The following TAPT1 variants were observed in gnomAD, a reference collection of about 807,000 sequenced individuals.
TAPT1 encodes transmembrane anterior posterior transformation 1.
Under a neutral mutation model 65.6 loss-of-function variants are expected in TAPT1, and 28 were observed. The observed-to-expected ratio is 0.43, with a 90% confidence interval of 0.32 to 0.59. TAPT1 has a LOEUF of 0.59. Among genes scored for constraint, TAPT1 ranks in the 20% least tolerant of loss-of-function variants. The pLI is 0.09. For synonymous variants in TAPT1, 278 were observed against 245.2 expected (o/e 1.13, Z -1.25); for missense variants, 563 against 679.9 (o/e 0.83, Z 1.91).
At chr4:16,217,717 AAAG>A in intron 1 of TAPT1, among the ~76,000 whole-genome samples, 1 of 152,392 alleles carries the variant, frequency 6.6e-6, no homozygotes, top group Admixed American at 6.5e-5. Context: ...AGACATGACA[AAAG>A]AAGAGCATTC....
At chr4:16,208,900 G>A (rs1448968995) in intron 2 of TAPT1, among the ~76,000 whole-genome samples, 9 of 152,084 alleles carry the variant, frequency 5.9e-5, no homozygotes, top group African/African-American at 2.2e-4. Flanking sequence ...GTCTCACTCT[G>A]TTGCCCAGGC....
intron 1 of TAPT1, among the ~76,000 whole-genome samples, chr4:16,218,972 T>C (rs1473800885): frequency 1.3e-5 from 2 of 152,236 alleles, no homozygotes; most frequent in Non-Finnish European, 2.9e-5. Context: ...GTCTGGATTC[T>C]ACCTCTAGAT....
chr4:16,202,603 G>GAAA, intron 2 of TAPT1, 23 bp from the exon 3 acceptor site: 3 of 665,344 alleles, frequency 4.5e-6, no homozygotes, highest in Non-Finnish European at 4.3e-6. Flanking sequence ...AAGGAGAGAA[G>GAAA]AAAAAAAAAA....
In TAPT1 at chr4:16,186,270, C is replaced by T. The variant is rs16893164; in HGVS notation, c.916+265G>A. Among the ~76,000 whole-genome samples, 14,175 of 151,884 alleles carry T rather than the reference C, an allele frequency of 0.093. 2,065 individuals are homozygous for T. Among genetic ancestry groups the T allele is most frequent in the African/African-American group, 0.31 (12,981 of 41,236 alleles). On this transcript the variant is annotated intron_variant, in intron 7 of 13. Coordinates refer to ENST00000405303, the MANE Select transcript of TAPT1 (RefSeq NM_153365.3). The stretch of plus-strand genomic sequence containing the variant: ...TCACATCTATAAAATGGAAAAATAC[C>T]ACCCACTTCAGAGAAATTTCTAGAC...
At chr4:16,209,401 G>A (rs1750531007) in intron 2 of TAPT1, among the ~76,000 whole-genome samples, 1 of 151,956 alleles carries the variant, frequency 6.6e-6, no homozygotes, top group African/African-American at 2.4e-5. Flanking sequence ...GTGCCTTCTT[G>A]GAACATAGAA....
chr4:16,209,160 A>G (rs1388567540), intron 2 of TAPT1, among the ~76,000 whole-genome samples: 9 of 152,132 alleles, frequency 5.9e-5, no homozygotes, highest in Non-Finnish European at 1.0e-4. Flanking sequence ...TCTTCCTAGC[A>G]TAGCCACCCC....
chr4:16,166,503 A>C lies in TAPT1; in HGVS notation c.1474+130T>G, dbSNP rs1747629761. ...GTATATATGGGATGAAATCTAAAACACAACCATTAAAAGACCCAAAAATCT... is the reference window on the plus strand; with the variant it reads ...GTATATATGGGATGAAATCTAAAACCCAACCATTAAAAGACCCAAAAATCT... On this transcript the variant is annotated intron_variant, in intron 13 of 13. Transcript: ENST00000405303. 3 of 1,104,936 alleles carry C rather than the reference A, an allele frequency of 2.7e-6. No homozygotes were observed. In the Admixed American group the frequency reaches 7.3e-5, roughly 27 times the overall value. The allele number at this position is 1,104,936 out of a possible 1,614,324, so 68.4% of individuals were successfully genotyped here.
intron 3 of TAPT1, among the ~76,000 whole-genome samples, chr4:16,192,534 A>G (rs1352823244): frequency 2.6e-5 from 4 of 152,208 alleles, no homozygotes; most frequent in African/African-American, 9.7e-5. Flanking sequence ...TTCTGAGGTT[A>G]GAGTAAAAGG....
chr4:16,186,664 C>T (rs949817801), intron 6 of TAPT1, 60 bp from the exon 7 acceptor site: 11 of 1,400,042 alleles, frequency 7.9e-6, no homozygotes, highest in Middle Eastern at 1.9e-4. Flanking sequence ...ACTGGACTTG[C>T]TACTTATAAA....
chr4:16,200,721 G>C (rs2149701951), intron 3 of TAPT1, among the ~76,000 whole-genome samples: 1 of 152,182 alleles, frequency 6.6e-6, no homozygotes, highest in Non-Finnish European at 1.5e-5. Flanking sequence ...ATGTATATTT[G>C]GTAATGTTCT....
chr4:16,176,172 C>A lies in TAPT1; in HGVS notation c.1054G>T (p.Val352Leu), dbSNP rs1455132724. 1 of 1,578,206 alleles carries A rather than the reference C, an allele frequency of 6.3e-7. No homozygotes were observed. Among genetic ancestry groups the A allele is most frequent in the Non-Finnish European group, 8.6e-7 (1 of 1,160,632 alleles). Reference sequence around the variant, plus strand: ...ATAAAGGCATGTTTTACAATATCCACGGCAATTTCTGATGCAATTACCATA... The same window carrying A: ...ATAAAGGCATGTTTTACAATATCCAAGGCAATTTCTGATGCAATTACCATA... ...VCMVIASEIAVDIVKHAFITK... is the reference protein window; with the variant it reads ...VCMVIASEIALDIVKHAFITK... The change falls in exon 9 of 14, where the codon GTG (valine) becomes TTG (leucine). Residue 352 changes from valine to leucine, a missense_variant. Physicochemically the swap from Val to Leu is conservative, Grantham distance 32. Around this residue, in one of 5 missense-constraint regions of TAPT1, gnomAD observed 104 missense variants for 102.5 expected, o/e 1.01. Transcript: ENST00000405303.
intron 1 of TAPT1, chr4:16,225,813 G>C: frequency 1.1e-6 from 1 of 888,030 alleles, no homozygotes; most frequent in Non-Finnish European, 1.3e-6. Context: ...TCTACTTGCA[G>C]GGCAAGTTAA....
chr4:16,177,104 T>A (rs530327431), intron 8 of TAPT1, among the ~76,000 whole-genome samples: 1 of 152,344 alleles, frequency 6.6e-6, no homozygotes, highest in African/African-American at 2.4e-5. Context: ...TTTACAATAA[T>A]CTACTGTGTA....
intron 2 of TAPT1, 46 bp downstream of exon 2, chr4:16,213,722 G>C: frequency 6.8e-7 from 1 of 1,479,808 alleles, no homozygotes; most frequent in Non-Finnish European, 8.9e-7. Flanking sequence ...TTAATACTTT[G>C]ACATAACTTT....
intron 2 of TAPT1, among the ~76,000 whole-genome samples, chr4:16,209,618 G>C (rs945467612): frequency 7.2e-5 from 11 of 152,174 alleles, no homozygotes; most frequent in African/African-American, 2.4e-4. Flanking sequence ...ATGGTAAACT[G>C]TTCCTAGGGG....
At position 16,163,223 on chromosome 4, in the gene TAPT1, G is replaced by C. The variant is rs926479753; in HGVS notation, c.*85C>G. ...TTTAAGTTTTTAAATAAATATTTAA[G>C]TGCCATGTTTAGCATCTATTTGTCC... On this transcript the variant is annotated 3_prime_UTR_variant, in exon 14 of 14. Coordinates refer to ENST00000405303, the MANE Select transcript of TAPT1 (RefSeq NM_153365.3). The C allele has an allele frequency of 1.3e-5, 12 of 926,340 alleles. No individual in the cohort carries two copies. Among genetic ancestry groups the C allele is most frequent in the Admixed American group, 2.0e-5 (1 of 48,946 alleles). 57.4% of individuals were successfully genotyped at this position (926,340 alleles called of 1,614,324 possible).
At chr4:16,206,297 C>A (rs1252265840) in intron 2 of TAPT1, among the ~76,000 whole-genome samples, 1 of 152,182 alleles carries the variant, frequency 6.6e-6, no homozygotes, top group Non-Finnish European at 1.5e-5. Context: ...ATAGAATGAT[C>A]CTGAGACTTT....
chr4:16,176,126 G>A lies in TAPT1; in HGVS notation c.1100C>T (p.Thr367Ile). The A allele has an allele frequency of 6.7e-7, 1 of 1,495,740 alleles. No homozygotes were observed. Among genetic ancestry groups the A allele is most frequent in the South Asian group, 1.2e-5 (1 of 80,090 alleles). 92.7% of individuals were successfully genotyped at this position (1,495,740 alleles called of 1,614,324 possible). ...HAFITKFNDITADVYSEYRAS... is the reference protein window; with the variant it reads ...HAFITKFNDIIADVYSEYRAS... Reference sequence around the variant, plus strand: ...GCATATCAAAATACATACATCTGCAGTAATGTCATTGAATTTAGTAATAAA... The same window carrying A: ...GCATATCAAAATACATACATCTGCAATAATGTCATTGAATTTAGTAATAAA... The change falls in exon 9 of 14, where the codon ACT (threonine) becomes ATT (isoleucine). Residue 367 changes from threonine (T) to isoleucine (I), a missense_variant. Around this residue, in one of 5 missense-constraint regions of TAPT1, gnomAD observed 104 missense variants for 102.5 expected, o/e 1.01. Transcript: ENST00000405303.
At position 16,174,282 on chromosome 4, in the gene TAPT1, G is replaced by A. The variant is rs759175242; in HGVS notation, c.1168-10C>T. 1.1e-5 allele frequency: 18 copies of A among 1,595,650 alleles called. No homozygotes were observed. The African/African-American group carries it at 2.0e-4, about 18-fold the overall frequency. On this transcript the variant is annotated splice_polypyrimidine_tract_variant and intron_variant, in intron 10 of 13. Transcript: ENST00000405303. ...TGTAATCAGTGTATGCCTGAACAGA[G>A]AAAGAAGCAAAAGATTCAGATTTAT...
Sources: gnomAD v4.1 joint callset for allele counts (sites outside exome capture counted in the v4.1 genomes callset) on GRCh38, gnomAD v4.1.1 for gene constraint, gnomAD v4.1.1 regional missense constraint, MANE v1.5 for transcripts, NCBI Gene and HGNC (gene_info 2026-07-23, HGNC 2026-07-21) for gene names.